The following BMPER variants were observed in gnomAD, a reference collection of about 807,000 sequenced individuals.
The protein encoded by BMPER is BMP binding endothelial regulator, also known as BMP-binding endothelial regulator protein.
In BMPER, 45 loss-of-function variants were observed where a neutral mutation model predicts 87.3. The observed-to-expected ratio is 0.52, with a 90% CI of 0.41 to 0.66. BMPER has a LOEUF of 0.66. BMPER is among the 30% of genes least tolerant of loss of function. The probability of loss-of-function intolerance (pLI) is 0.00; values close to 1 mark genes in which losing one functional copy is unlikely to be tolerated. For synonymous variants in BMPER, 326 were observed against 316.2 expected, an observed-to-expected ratio of 1.03 and a Z score of -0.33; for missense variants, 784 against 867.5, an observed-to-expected ratio of 0.90 and a Z score of 1.21.
At chr7:34,131,579 G>A (rs1209265087) in intron 13 of BMPER, among the ~76,000 whole-genome samples, 1 of 152,196 alleles carries the variant, frequency 6.6e-6, no homozygotes, top group Non-Finnish European at 1.5e-5. Flanking sequence ...CCCCTTTGAA[G>A]CAGGGGGCTG....
intron 2 of BMPER, among the ~76,000 whole-genome samples, chr7:33,910,913 T>C (rs1055404886): frequency 5.3e-5 from 8 of 152,230 alleles, no homozygotes; most frequent in African/African-American, 1.9e-4. Context: ...AATAGATATC[T>C]ATTATCTAAA....
intron 6 of BMPER, among the ~76,000 whole-genome samples, chr7:34,024,011 C>T (rs1055696570): frequency 2.0e-5 from 3 of 151,798 alleles, no homozygotes; most frequent in Non-Finnish European, 4.4e-5. Context: ...CATCTTACTA[C>T]CATAGCTTAA....
intron 6 of BMPER, among the ~76,000 whole-genome samples, chr7:34,004,476 A>T (rs770302915): frequency 1.5e-4 from 23 of 152,056 alleles, no homozygotes; most frequent in African/African-American, 5.6e-4. Flanking sequence ...TGTTGTTGCT[A>T]TTGTTTTTGT....
At chr7:34,066,243 C>A (rs1788586223) in intron 11 of BMPER, among the ~76,000 whole-genome samples, 1 of 152,150 alleles carries the variant, frequency 6.6e-6, no homozygotes, top group Non-Finnish European at 1.5e-5. Flanking sequence ...ATAGAGGAGG[C>A]ACAATGCCGT....
chr7:33,939,144 G>A (rs1317005085), intron 3 of BMPER, among the ~76,000 whole-genome samples: 2 of 152,186 alleles, frequency 1.3e-5, no homozygotes, highest in African/African-American at 2.4e-5. Context: ...AGTATTACTG[G>A]TGCCCTTCAC....
At chr7:33,918,453 G>A (rs1784137629) in intron 2 of BMPER, among the ~76,000 whole-genome samples, 1 of 152,310 alleles carries the variant, frequency 6.6e-6, no homozygotes, top group African/African-American at 2.4e-5. Context: ...GCCTCATTCT[G>A]TTCCTTTACT....
intron 2 of BMPER, among the ~76,000 whole-genome samples, chr7:33,933,612 T>C (rs1037993519): frequency 1.3e-5 from 2 of 152,134 alleles, no homozygotes; most frequent in Non-Finnish European, 2.9e-5. Flanking sequence ...TCTCTGTTGA[T>C]ATCCAAATTG....
Position 34,153,422 on chromosome 7 carries a change from A to C in BMPER, c.*149A>C. On this transcript the variant is annotated 3_prime_UTR_variant, in exon 15 of 15. Transcript: ENST00000649409. Reference sequence around the variant, plus strand: ...TGTATATATATATAGATATATTCAAAAACATTGCATCATTTATATGAACTA... The same window carrying C: ...TGTATATATATATAGATATATTCAACAACATTGCATCATTTATATGAACTA... 4 of 760,788 alleles carry C rather than the reference A, an allele frequency of 5.3e-6. No homozygotes were observed. The South Asian group carries it at 7.2e-5, about 14-fold the overall frequency. 47.1% of individuals were successfully genotyped at this position (760,788 alleles called of 1,614,324 possible).
At chr7:33,995,011 A>T (rs1227803204) in intron 6 of BMPER, among the ~76,000 whole-genome samples, 1 of 152,220 alleles carries the variant, frequency 6.6e-6, no homozygotes, top group Admixed American at 6.5e-5. Flanking sequence ...GATACATTTT[A>T]AAATGTACAT....
chr7:33,995,258 C>T (rs1256572328), intron 6 of BMPER, among the ~76,000 whole-genome samples: 2 of 151,982 alleles, frequency 1.3e-5, no homozygotes, highest in Non-Finnish European at 2.9e-5. Context: ...TGTGTGGTAC[C>T]TCATATGTAT....
intron 12 of BMPER, among the ~76,000 whole-genome samples, chr7:34,080,394 G>C (rs1788981420): frequency 6.6e-6 from 1 of 152,182 alleles, no homozygotes; most frequent in African/African-American, 2.4e-5. Context: ...GCAGCCCAGG[G>C]AGCTTTTAGT....
At chr7:34,031,952 A>T (rs1787535398) in intron 6 of BMPER, among the ~76,000 whole-genome samples, 1 of 138,130 alleles carries the variant, frequency 7.2e-6, no homozygotes, top group African/African-American at 2.7e-5. Context: ...ACATATATAT[A>T]CACACACACA....
At chr7:34,073,078 C>T (rs1240832684) in intron 11 of BMPER, among the ~76,000 whole-genome samples, 2 of 152,024 alleles carry the variant, frequency 1.3e-5, no homozygotes, top group African/African-American at 2.4e-5. Context: ...TTAGTAAGTT[C>T]AGTGTGGGCA....
At chr7:33,920,988 T>C (rs1280065938) in intron 2 of BMPER, among the ~76,000 whole-genome samples, 4 of 152,344 alleles carry the variant, frequency 2.6e-5, no homozygotes, top group Non-Finnish European at 5.9e-5. Context: ...CTGTCTTTAT[T>C]GAAGTGTTCT....
At chr7:34,018,025 G>C (rs1032767988) in intron 6 of BMPER, among the ~76,000 whole-genome samples, 1 of 151,482 alleles carries the variant, frequency 6.6e-6, no homozygotes, top group Admixed American at 6.6e-5. Flanking sequence ...TTGGGCAAGG[G>C]TGCATTACTT....
At chr7:34,066,832 A>C (rs1380769941) in intron 11 of BMPER, among the ~76,000 whole-genome samples, 1 of 152,158 alleles carries the variant, frequency 6.6e-6, no homozygotes, top group Non-Finnish European at 1.5e-5. Context: ...AGAAAGGGAG[A>C]GAGGGATGGA....
intron 13 of BMPER, among the ~76,000 whole-genome samples, chr7:34,134,827 T>C (rs1305126043): frequency 6.6e-6 from 1 of 152,194 alleles, no homozygotes; most frequent in African/African-American, 2.4e-5. Context: ...GTTTGGTCAC[T>C]GTTAAAAGCG....
chr7:34,019,811 A>C (rs1319474443), intron 6 of BMPER, among the ~76,000 whole-genome samples: 1 of 151,958 alleles, frequency 6.6e-6, no homozygotes, highest in East Asian at 1.9e-4. Context: ...GACTGTAAAG[A>C]GGTGTGAAGT....
At chr7:34,068,047 C>T (rs1333282115) in intron 11 of BMPER, among the ~76,000 whole-genome samples, 1 of 151,112 alleles carries the variant, frequency 6.6e-6, no homozygotes, top group African/African-American at 2.4e-5. Context: ...ACAATAATAG[C>T]AATAATAACA....
Sources: allele counts gnomAD v4.1 joint callset (sites outside exome capture counted in the v4.1 genomes callset), GRCh38; gene constraint gnomAD v4.1.1; transcripts MANE v1.5; gene names NCBI Gene and HGNC (gene_info 2026-07-23, HGNC 2026-07-21).